Variants in KIRREL3 observed in about 807,000 individuals in gnomAD.
KIRREL3 encodes the protein kirre like nephrin family adhesion molecule 3, also known as kin of IRRE-like protein 3.
A neutral mutation model predicts 89.7 loss-of-function variants in KIRREL3; 36 were observed. The ratio of observed to expected loss-of-function variants is 0.40; its 90% CI spans 0.31 to 0.53. The LOEUF (loss-of-function observed/expected upper bound fraction) is 0.53. Ranked by LOEUF, KIRREL3 falls within the 20% of genes least tolerant of loss-of-function variation. The pLI is 0.49. For synonymous variants in KIRREL3, 445 were observed against 441.4 expected, an observed-to-expected ratio of 1.01 and a Z score of -0.10; for missense variants, 864 against 1,056.6, an observed-to-expected ratio of 0.82 and a Z score of 2.53.
In KIRREL3 at chr11:126,443,074, T is replaced by C. The variant is rs1375850741; in HGVS notation, c.1252+1905A>G. 1.3e-5 allele frequency among the ~76,000 whole-genome samples: 2 copies of C among 152,202 alleles called. No individual in the cohort carries two copies. Among genetic ancestry groups the C allele is most frequent in the East Asian group, 3.8e-4 (2 of 5,196 alleles). ...CTCAAGAAATCTCTTTAAATCTCCC[T>C]TGGAAATGTCTGAACGTCTAAAGTG... On this transcript the variant is annotated intron_variant, in intron 10 of 16. Coordinates refer to ENST00000525144, the MANE Select transcript of KIRREL3 (RefSeq NM_032531.4). This position sits in a 1 kb window ranked among gnomAD's most constrained non-coding sequence, Gnocchi z 7.3.
chr11:126,940,792 C>CTTTTT lies in KIRREL3; in HGVS notation c.55+59658_55+59662dup, dbSNP rs1342218970. 22 of 152,014 alleles carry CTTTTT rather than the reference C, an allele frequency of 1.4e-4. No homozygotes were observed. The highest frequency in any genetic ancestry group is 2.6e-4 in the Admixed American group (4 of 15,262). The allele number at this position is 152,014 out of a possible 1,614,324, so 9.4% of individuals were successfully genotyped here. A position where few individuals can be genotyped will look rare whatever the true frequency, so the allele number is the denominator to read the frequency against. On this transcript the variant is annotated intron_variant, in intron 1 of 16. Coordinates refer to ENST00000525144, the MANE Select transcript of KIRREL3 (RefSeq NM_032531.4). This position sits in a 1 kb window ranked among gnomAD's most constrained non-coding sequence, Gnocchi z 4.6. Reference sequence around the variant, plus strand: ...CTTTACTCCTCTGTAGGCAGTAATTCTTTTTTCTTTTCTTTCTTTTTTTTT... The same window carrying CTTTTT: ...CTTTACTCCTCTGTAGGCAGTAATTCTTTTTTTTTTTCTTTTCTTTCTTTTTTTTT...
At position 126,778,861 on chromosome 11, in the gene KIRREL3, T is replaced by C. The variant is rs1316016126; in HGVS notation, c.56-215949A>G. Among the ~76,000 whole-genome samples, 1 of 152,232 alleles carries C rather than the reference T, an allele frequency of 6.6e-6. No individual in the cohort carries two copies. Among genetic ancestry groups the C allele is most frequent in the Non-Finnish European group, 1.5e-5 (1 of 68,052 alleles). On this transcript the variant is annotated intron_variant, in intron 1 of 16. Coordinates refer to ENST00000525144, the MANE Select transcript of KIRREL3 (RefSeq NM_032531.4). The surrounding 1 kb of genome is among the most constrained non-coding windows in gnomAD (Gnocchi z 4.5). The stretch of plus-strand genomic sequence containing the variant: ...GGAAAAACTGTCGTTCTTGTTATTT[T>C]ATAGTCTACCAGGTAAATGTACGCA...
chr11:126,447,853 AT>A (rs1955882001), intron 8 of KIRREL3, among the ~76,000 whole-genome samples: 1 of 152,168 alleles, frequency 6.6e-6, no homozygotes, highest in African/African-American at 2.4e-5. Flanking sequence ...GGAGGGCCAG[AT>A]TTTTTCAAGT....
chr11:126,510,008 A>AG (rs1217008392), intron 4 of KIRREL3, among the ~76,000 whole-genome samples: 1 of 149,996 alleles, frequency 6.7e-6, no homozygotes, highest in African/African-American at 2.5e-5. Flanking sequence ...AAAAAAAAAA[A>AG]AAAAAAAAAA....
At chr11:126,467,629 CTTTT>C (rs546070258) in intron 5 of KIRREL3, among the ~76,000 whole-genome samples, 343 of 140,942 alleles carry the variant, frequency 2.4e-3, no homozygotes, top group African/African-American at 4.4e-3. Flanking sequence ...TGCTGGGTCC[CTTTT>C]TTTTTTTTTT....
intron 10 of KIRREL3, among the ~76,000 whole-genome samples, chr11:126,444,591 T>C (rs1243394194): frequency 6.6e-6 from 1 of 152,132 alleles, no homozygotes; most frequent in Non-Finnish European, 1.5e-5. Context: ...AGACTCCATC[T>C]CAAAAAGCAA....
At position 126,883,178 on chromosome 11, in the gene KIRREL3, T is replaced by C. The variant is rs1390408949; in HGVS notation, c.55+117277A>G. ...GATACTGAATCTGGAGCCTAACTCCTTGGCAGCTGAGCAGGAGACAGGAGG... is the reference window on the plus strand; with the variant it reads ...GATACTGAATCTGGAGCCTAACTCCCTGGCAGCTGAGCAGGAGACAGGAGG... On this transcript the variant is annotated intron_variant, in intron 1 of 16. Transcript: ENST00000525144. This position sits in a 1 kb window ranked among gnomAD's most constrained non-coding sequence, Gnocchi z 4.1. Among the ~76,000 whole-genome samples, 1 of 152,196 alleles carries C rather than the reference T, an allele frequency of 6.6e-6. No individual in the cohort carries two copies. The highest frequency in any genetic ancestry group is 1.9e-4 in the East Asian group (1 of 5,192).
chr11:126,986,019 C>A (rs1489022404), intron 1 of KIRREL3, among the ~76,000 whole-genome samples: 2 of 152,128 alleles, frequency 1.3e-5, no homozygotes, highest in African/African-American at 4.8e-5. Flanking sequence ...CCTCTCTGGC[C>A]TGTACAATCC....
At position 126,951,184 on chromosome 11, in the gene KIRREL3, G is replaced by T. The variant is rs1235012334; in HGVS notation, c.55+49271C>A. 2.0e-5 allele frequency among the ~76,000 whole-genome samples: 3 copies of T among 152,254 alleles called. No individual in the cohort carries two copies. In the East Asian group the frequency reaches 5.8e-4, roughly 29 times the overall value. On this transcript the variant is annotated intron_variant, in intron 1 of 16. Transcript: ENST00000525144. ...GGGATAAGGCACACATAGTAATAAG[G>T]ATAGCTTCAGAAAAGAGGAGCCTGC...
chr11:126,923,192 C>T (rs1430707100), intron 1 of KIRREL3, among the ~76,000 whole-genome samples: 1 of 10,890 alleles, frequency 9.2e-5, no homozygotes, highest in Admixed American at 8.3e-4. Context: ...TTCTTCTCTT[C>T]TTCTTCTTCT....
At chr11:126,678,747 C>G (rs1227755814) in intron 1 of KIRREL3, among the ~76,000 whole-genome samples, 1 of 152,094 alleles carries the variant, frequency 6.6e-6, no homozygotes, top group Admixed American at 6.5e-5. Flanking sequence ...GTCCACTGCC[C>G]AGTCTCACCC....
In KIRREL3 at chr11:126,877,923, C is replaced by G. The variant is rs539704652; in HGVS notation, c.55+122532G>C. Among the ~76,000 whole-genome samples, 3 of 152,196 alleles carry G rather than the reference C, an allele frequency of 2.0e-5. No individual in the cohort carries two copies. The highest frequency in any genetic ancestry group is 3.9e-4 in the East Asian group (2 of 5,176). On this transcript the variant is annotated intron_variant, in intron 1 of 16. Transcript: ENST00000525144. The surrounding 1 kb of genome is among the most constrained non-coding windows in gnomAD (Gnocchi z 4.9). ...CAGCGTGTTAAGGCTGGAACTCCCC[C>G]CTAGAGACATAGTCCAAGCTTCTCA...
chr11:126,874,482 C>T (rs186788211), intron 1 of KIRREL3, among the ~76,000 whole-genome samples: 1 of 152,334 alleles, frequency 6.6e-6, no homozygotes, highest in Admixed American at 6.5e-5. Context: ...CTGATGACTG[C>T]ACTCGGAAGA....
At chr11:126,465,283 G>A (rs555783917) in intron 5 of KIRREL3, among the ~76,000 whole-genome samples, 48 of 152,270 alleles carry the variant, frequency 3.2e-4, no homozygotes, top group Middle Eastern at 3.4e-3. Flanking sequence ...TGAGGGCCCC[G>A]GAAGACAGCA....
At chr11:126,662,001 G>A (rs1022225982) in intron 1 of KIRREL3, among the ~76,000 whole-genome samples, 1 of 152,172 alleles carries the variant, frequency 6.6e-6, no homozygotes, top group Admixed American at 6.5e-5. Flanking sequence ...TTTGGGTAAA[G>A]AGGAAAGAAG....
At chr11:126,600,823 G>A (rs540359878) in intron 1 of KIRREL3, among the ~76,000 whole-genome samples, 1 of 152,250 alleles carries the variant, frequency 6.6e-6, no homozygotes, top group East Asian at 1.9e-4. Flanking sequence ...TTCAAAGCTT[G>A]GCTTAAACTT....
Position 126,755,531 on chromosome 11 carries a change from G to A in KIRREL3, c.56-192619C>T, listed in dbSNP as rs1276503339. ...CTCTCTTTAAAAAAGACACACACCA[G>A]AAAGTAAAAAAACAAAACAACAACA... On this transcript the variant is annotated intron_variant, in intron 1 of 16. Coordinates refer to ENST00000525144, the MANE Select transcript of KIRREL3 (RefSeq NM_032531.4). The surrounding 1 kb of genome is among the most constrained non-coding windows in gnomAD (Gnocchi z 4.3). Among the ~76,000 whole-genome samples the A allele has an allele frequency of 1.3e-5, 2 of 151,744 alleles. No homozygotes were observed. Among genetic ancestry groups the A allele is most frequent in the African/African-American group, 4.8e-5 (2 of 41,290 alleles).
At chr11:126,660,984 G>A (rs1173388288) in intron 1 of KIRREL3, among the ~76,000 whole-genome samples, 1 of 152,184 alleles carries the variant, frequency 6.6e-6, no homozygotes, top group Non-Finnish European at 1.5e-5. Flanking sequence ...GAAAGAGTAA[G>A]TCTTTACAGA....
chr11:126,501,875 A>T lies in KIRREL3; in HGVS notation c.433+19440T>A, dbSNP rs1198872193. On this transcript the variant is annotated intron_variant, in intron 4 of 16. Transcript: ENST00000525144. This position sits in a 1 kb window ranked among gnomAD's most constrained non-coding sequence, Gnocchi z 5.8. ...CAGGTGAGGGGTGGAAAACATCGAT[A>T]CCAGTGACTTACATGCACCCAGGTG... 6.6e-6 allele frequency among the ~76,000 whole-genome samples: 1 copy of T among 152,102 alleles called. No homozygotes were observed. Among genetic ancestry groups the T allele is most frequent in the East Asian group, 1.9e-4 (1 of 5,180 alleles).
Sources: gnomAD v4.1 joint callset for allele counts (sites outside exome capture counted in the v4.1 genomes callset) on GRCh38, gnomAD v4.1.1 for gene constraint, Gnocchi (gnomAD v3.1) non-coding constraint, MANE v1.5 for transcripts, NCBI Gene and HGNC (gene_info 2026-07-23, HGNC 2026-07-21) for gene names.